GBE1: variants seen among roughly 807,000 people sequenced by gnomAD.
GBE1 encodes the protein 1,4-alpha-glucan branching enzyme 1.
Under a neutral mutation model 88.8 loss-of-function variants are expected in GBE1, and 70 were observed. The observed-to-expected ratio is 0.79, with a 90% CI of 0.65 to 0.96. GBE1 has a LOEUF of 0.96. Among genes scored for constraint, GBE1 ranks in the 40% least tolerant of loss-of-function variants. GBE1 has a pLI of 0.00. For synonymous variants in GBE1, 284 were observed against 300.1 expected (o/e 0.95, Z 0.56); for missense variants, 872 against 871.0 (o/e 1.00, Z -0.01).
intron 1 of GBE1, among the ~76,000 whole-genome samples, chr3:81,722,190 T>C (rs934506561): frequency 2.6e-5 from 4 of 152,154 alleles, no homozygotes; most frequent in Non-Finnish European, 4.4e-5. Context: ...GCACTGCCCA[T>C]GCGTATCACA....
At chr3:81,639,590 A>G (rs1303443114) in intron 7 of GBE1, among the ~76,000 whole-genome samples, 1 of 152,150 alleles carries the variant, frequency 6.6e-6, no homozygotes, top group Admixed American at 6.5e-5. Flanking sequence ...TTTATTAGAT[A>G]AACTAACAAG....
chr3:81,750,631 GTATA>G (rs1421769991), intron 1 of GBE1, among the ~76,000 whole-genome samples: 6 of 26,270 alleles, frequency 2.3e-4, no homozygotes, highest in African/African-American at 1.2e-3. Context: ...ATATATATAC[GTATA>G]TATATATATG....
intron 7 of GBE1, chr3:81,612,348 C>T (rs771844952): frequency 2.7e-5 from 22 of 813,626 alleles, no homozygotes; most frequent in African/African-American, 7.0e-5. Flanking sequence ...CATTTGATTT[C>T]GGTGGACTTT....
intron 14 of GBE1, among the ~76,000 whole-genome samples, chr3:81,502,216 T>C (rs1702596108): frequency 6.6e-6 from 1 of 152,150 alleles, no homozygotes; most frequent in Non-Finnish European, 1.5e-5. Context: ...TTTTTGTGTA[T>C]ACTTTTCTCA....
intron 7 of GBE1, among the ~76,000 whole-genome samples, chr3:81,632,182 GC>G (rs1389135364): frequency 6.6e-6 from 1 of 152,110 alleles, no homozygotes; most frequent in African/African-American, 2.4e-5. Flanking sequence ...GTGTACATGT[GC>G]CACATTTTCT....
intron 12 of GBE1, among the ~76,000 whole-genome samples, chr3:81,566,982 C>T (rs540130852): frequency 2.7e-4 from 41 of 152,252 alleles, no homozygotes; most frequent in African/African-American, 9.4e-4. Context: ...CTCTCGATCC[C>T]CATCCCACTC....
At chr3:81,668,470 C>T (rs1705144767) in intron 3 of GBE1, among the ~76,000 whole-genome samples, 2 of 152,214 alleles carry the variant, frequency 1.3e-5, no homozygotes, top group East Asian at 1.9e-4. Flanking sequence ...CTTACTGTAT[C>T]GAGTTCTTGT....
At chr3:81,608,628 T>A (rs991148266) in intron 7 of GBE1, among the ~76,000 whole-genome samples, 1 of 152,138 alleles carries the variant, frequency 6.6e-6, no homozygotes, top group Non-Finnish European at 1.5e-5. Flanking sequence ...AGATAATAAC[T>A]GTCAGTTATG....
chr3:81,665,694 T>C (rs150616024), intron 3 of GBE1, among the ~76,000 whole-genome samples: 2,663 of 152,280 alleles, frequency 0.017, 81 homozygotes, highest in African/African-American at 0.061. Context: ...TTATAATCTG[T>C]AGGCAAAGTT....
At chr3:81,664,049 CA>C (rs927896226) in intron 3 of GBE1, among the ~76,000 whole-genome samples, 54 of 151,968 alleles carry the variant, frequency 3.6e-4, no homozygotes, top group Non-Finnish European at 1.0e-4. Flanking sequence ...CATTTGGTTT[CA>C]AAATTCAAAT....
chr3:81,577,941 G>A lies in GBE1; in HGVS notation c.1602C>T (p.Gly534=). The change falls in exon 12 of 16, where the codon GGC becomes GGT. Residue 534 remains glycine (G), a synonymous_variant. Transcript: ENST00000429644. ...RLITHGLGGE[G]YLNFMGNEFG... is the part of the protein sequence containing the mutation. ...CACACTTACCCATGAAATTGAGATA[G>A]CCTTCTCCACCAAGCCCATGCGTAA... is the stretch of plus-strand genomic sequence containing the variant. 6.3e-7 allele frequency: 1 copy of A among 1,595,450 alleles called. No individual in the cohort carries two copies. Among genetic ancestry groups the A allele is most frequent in the Middle Eastern group, 1.7e-4 (1 of 6,036 alleles).
chr3:81,702,877 G>A (rs927674071), intron 2 of GBE1, among the ~76,000 whole-genome samples: 5 of 151,902 alleles, frequency 3.3e-5, no homozygotes, highest in Non-Finnish European at 7.4e-5. Context: ...AACACACACA[G>A]CGCAACTTTT....
intron 9 of GBE1, among the ~76,000 whole-genome samples, chr3:81,590,827 T>C (rs1703867377): frequency 6.6e-6 from 1 of 152,154 alleles, no homozygotes; most frequent in African/African-American, 2.4e-5. Context: ...AACAGAATGG[T>C]GACAAGTAAT....
chr3:81,651,358 A>G (rs1049269433), intron 3 of GBE1, among the ~76,000 whole-genome samples: 1 of 152,208 alleles, frequency 6.6e-6, no homozygotes, highest in Non-Finnish European at 1.5e-5. Flanking sequence ...CACTTCCTTC[A>G]GATGCCAAAA....
intron 6 of GBE1, among the ~76,000 whole-genome samples, chr3:81,643,758 G>A (rs1014467137): frequency 6.6e-6 from 1 of 152,102 alleles, no homozygotes; most frequent in Non-Finnish European, 1.5e-5. Flanking sequence ...TCATGATATG[G>A]TACAGTGCTA....
chr3:81,595,235 G>C (rs1314075717), intron 7 of GBE1, among the ~76,000 whole-genome samples: 4 of 151,606 alleles, frequency 2.6e-5, no homozygotes, highest in African/African-American at 9.7e-5. Flanking sequence ...ATTTGCTTAT[G>C]ATTCTATAAT....
intron 14 of GBE1, among the ~76,000 whole-genome samples, chr3:81,519,426 A>G (rs894527548): frequency 7.3e-5 from 11 of 151,570 alleles, no homozygotes; most frequent in African/African-American, 2.7e-4. Context: ...ACAGTTTGAA[A>G]TGCCATTTGG....
intron 1 of GBE1, among the ~76,000 whole-genome samples, chr3:81,737,393 ATAAATATATTTTTATATATT>A (rs1465645430): frequency 4.2e-3 from 147 of 35,060 alleles, no homozygotes; most frequent in African/African-American, 0.019. Context: ...ATATATTTAT[ATAAATATATTTTTATATATT>A]TATATAAATA....
intron 14 of GBE1, among the ~76,000 whole-genome samples, chr3:81,508,712 A>T (rs1576125222): frequency 6.6e-6 from 1 of 152,164 alleles, no homozygotes; most frequent in Non-Finnish European, 1.5e-5. Flanking sequence ...AAAGACAATC[A>T]TAAGCAGTAA....
Sources: allele counts gnomAD v4.1 joint callset (sites outside exome capture counted in the v4.1 genomes callset), GRCh38; gene constraint gnomAD v4.1.1; transcripts MANE v1.5; gene names NCBI Gene and HGNC (gene_info 2026-07-23, HGNC 2026-07-21).